The following GPR35 variants were observed in gnomAD, a reference collection of about 807,000 sequenced individuals.
GPR35 encodes the protein G protein-coupled receptor 35.
For missense variants in GPR35, 372 were observed against 422.5 expected (o/e 0.88, Z 1.05); for synonymous variants, 207 against 198.4 (o/e 1.04, Z -0.36).
chr2:240,610,932 C>A (rs1427803663), intron 2 of GPR35, among the ~76,000 whole-genome samples: 1 of 151,180 alleles, frequency 6.6e-6, no homozygotes, highest in East Asian at 1.9e-4. Context: ...CTGCACCCGG[C>A]CTGTCTTTTT....
Position 240,630,957 on chromosome 2 carries a change from C to T in GPR35, c.*75C>T. 2 of 1,313,236 alleles carry T rather than the reference C, an allele frequency of 1.5e-6. No individual in the cohort carries two copies. The highest frequency in any genetic ancestry group is 2.1e-6 in the Non-Finnish European group (2 of 930,646). 81.3% of individuals were successfully genotyped at this position (1,313,236 alleles called of 1,614,324 possible). The stretch of plus-strand genomic sequence containing the variant: ...GCTGCCTGCCAGGGGAAGCTGGAAC[C>T]AGTAGCAAGGAGCCCGAGATCAGCC... On this transcript the variant is annotated 3_prime_UTR_variant, in exon 2 of 2. Coordinates refer to ENST00000407714, the MANE Select transcript of GPR35 (RefSeq NM_005301.5).
At chr2:240,611,908 G>A (rs2043185594) in intron 2 of GPR35, among the ~76,000 whole-genome samples, 1 of 152,096 alleles carries the variant, frequency 6.6e-6, no homozygotes. Context: ...AAACCCTGAG[G>A]AGCCCCAACA....
At chr2:240,622,669 G>A (rs944063347), upstream of GPR35, among the ~76,000 whole-genome samples, 5 of 152,264 alleles carry the variant, frequency 3.3e-5, no homozygotes, top group Admixed American at 1.3e-4. Flanking sequence ...CAGGGGTGGC[G>A]TCCGGCAGCT....
chr2:240,632,922 A>G lies in GPR35; in HGVS notation c.*2040A>G, dbSNP rs139827603. 6.6e-6 allele frequency among the ~76,000 whole-genome samples: 1 copy of G among 152,240 alleles called. No individual in the cohort carries two copies. Among genetic ancestry groups the G allele is most frequent in the Non-Finnish European group, 1.5e-5 (1 of 68,038 alleles). On this transcript the variant is annotated 3_prime_UTR_variant, in exon 2 of 2. Coordinates refer to ENST00000407714, the MANE Select transcript of GPR35 (RefSeq NM_005301.5). ...GTCCCCATGTGTCAAGGGAGAGACC[A>G]GGTGGAGGCAATTGGATCATGGGGG...
chr2:240,608,770 T>C (rs533998752), intron 2 of GPR35, among the ~76,000 whole-genome samples: 1 of 152,314 alleles, frequency 6.6e-6, no homozygotes, highest in Admixed American at 6.5e-5. Flanking sequence ...AGCTGGCCAG[T>C]GTTTCTCCTT....
chr2:240,612,447 A>G lies in GPR35; in HGVS notation c.-576-3941A>G, dbSNP rs1376327740. On this transcript the variant is annotated intron_variant, in intron 2 of 5. Transcript: ENST00000319838. The stretch of plus-strand genomic sequence containing the variant: ...GTCTCAAAAAAAAAAAAAAAAAAAA[A>G]AGGACTAGGGACTTACTGACTTGGC... 1.4e-4 allele frequency among the ~76,000 whole-genome samples: 17 copies of G among 124,778 alleles called. No individual in the cohort carries two copies. In the East Asian group the frequency reaches 4.1e-3, roughly 30 times the overall value. The allele number at this position is 124,778 out of a possible 152,430, so 81.9% of individuals were successfully genotyped here. A position where few individuals can be genotyped will look rare whatever the true frequency, so the allele number is the denominator to read the frequency against.
chr2:240,631,004 T>C lies in GPR35; in HGVS notation c.*122T>C. The C allele has an allele frequency of 1.2e-6, 1 of 813,768 alleles. No homozygotes were observed. The highest frequency in any genetic ancestry group is 2.0e-6 in the Non-Finnish European group (1 of 505,776). 50.4% of individuals were successfully genotyped at this position (813,768 alleles called of 1,614,324 possible). ...AGCCCTGAACTCACTGTGTATTCTCTTGGAGCCTTGGGTGGGCAGGGACGG... is the reference window on the plus strand; with the variant it reads ...AGCCCTGAACTCACTGTGTATTCTCCTGGAGCCTTGGGTGGGCAGGGACGG... On this transcript the variant is annotated 3_prime_UTR_variant, in exon 2 of 2. Coordinates refer to ENST00000407714, the MANE Select transcript of GPR35 (RefSeq NM_005301.5).
chr2:240,624,012 G>A (rs76085384), upstream of GPR35, among the ~76,000 whole-genome samples: 19 of 151,494 alleles, frequency 1.3e-4, 1 homozygote, highest in Non-Finnish European at 2.1e-4. Context: ...CTGGTGGTGG[G>A]GGGGGTGGGG....
At chr2:240,618,811 T>C in intron 4 of GPR35, 1 of 532,450 alleles carries the variant, frequency 1.9e-6, no homozygotes, top group East Asian at 3.1e-5. Context: ...ATAAACATGC[T>C]TTTTTTCATT....
chr2:240,617,507 A>G (rs890694141), intron 4 of GPR35: 1 of 433,978 alleles, frequency 2.3e-6, no homozygotes, highest in Non-Finnish European at 4.2e-6. Flanking sequence ...GTGATATTCT[A>G]CTTCTGTCTT....
intron 2 of GPR35, among the ~76,000 whole-genome samples, chr2:240,612,896 G>A (rs921426873): frequency 2.0e-5 from 3 of 152,216 alleles, no homozygotes; most frequent in African/African-American, 7.2e-5. Context: ...AGAATTCTGC[G>A]ATTGGAGCTG....
chr2:240,621,914 C>T (rs1042186984), upstream of GPR35, among the ~76,000 whole-genome samples: 6 of 152,314 alleles, frequency 3.9e-5, no homozygotes, highest in Non-Finnish European at 8.8e-5. Flanking sequence ...TCTGTTGCAA[C>T]CAGGCTGGAG....
intron 2 of GPR35, among the ~76,000 whole-genome samples, chr2:240,614,214 C>G (rs1232072986): frequency 6.6e-6 from 1 of 152,046 alleles, no homozygotes; most frequent in Non-Finnish European, 1.5e-5. Flanking sequence ...TAACCTGGCT[C>G]AAACCCTAAC....
At chr2:240,619,397 G>A (rs1268747545) in intron 5 of GPR35, among the ~76,000 whole-genome samples, 1 of 152,240 alleles carries the variant, frequency 6.6e-6, no homozygotes, top group East Asian at 1.9e-4. Flanking sequence ...GTCTTGCCTG[G>A]CTCCGGAGGA....
At chr2:240,616,249 C>A (rs938251363) in intron 2 of GPR35, 35 of 628,324 alleles carry the variant, frequency 5.6e-5, no homozygotes, top group Non-Finnish European at 9.7e-5. Flanking sequence ...CTGAGGGTGA[C>A]CTTCCATTGG....
At chr2:240,607,904 T>G (rs1198822262) in intron 2 of GPR35, among the ~76,000 whole-genome samples, 1 of 151,944 alleles carries the variant, frequency 6.6e-6, no homozygotes, top group Admixed American at 6.6e-5. Context: ...TTTTTGTTTT[T>G]AAATTGAGAC....
chr2:240,624,226 T>TG (rs11275380), upstream of GPR35, among the ~76,000 whole-genome samples: 1 of 151,906 alleles, frequency 6.6e-6, no homozygotes, highest in African/African-American at 2.4e-5. Context: ...GAGTGAGGGA[T>TG]GGATGAAATC....
At position 240,631,027 on chromosome 2, in the gene GPR35, C is replaced by T. The variant is rs969279860; in HGVS notation, c.*145C>T. The T allele has an allele frequency of 2.9e-5, 20 of 684,402 alleles. No individual in the cohort carries two copies. The highest frequency in any genetic ancestry group is 1.1e-4 in the Admixed American group (4 of 35,366). 42.4% of individuals were successfully genotyped at this position (684,402 alleles called of 1,614,324 possible). A position where few individuals can be genotyped will look rare whatever the true frequency, so the allele number is the denominator to read the frequency against. On this transcript the variant is annotated 3_prime_UTR_variant, in exon 2 of 2. Coordinates refer to ENST00000407714, the MANE Select transcript of GPR35 (RefSeq NM_005301.5). ...TCTTGGAGCCTTGGGTGGGCAGGGA[C>T]GGCCCAGGTACCTGCTCTCTTGGGA...
chr2:240,619,989 G>A (rs2043275382), intron 5 of GPR35, among the ~76,000 whole-genome samples: 1 of 152,218 alleles, frequency 6.6e-6, no homozygotes, highest in South Asian at 2.1e-4. Flanking sequence ...GCAGTTGAAG[G>A]GCCAAGGAGC....
Sources: allele counts gnomAD v4.1 joint callset (sites outside exome capture counted in the v4.1 genomes callset), GRCh38; gene constraint gnomAD v4.1.1; transcripts MANE v1.5; gene names NCBI Gene and HGNC (gene_info 2026-07-23, HGNC 2026-07-21).